The following SLC17A1 variants were observed in gnomAD, a reference collection of about 807,000 sequenced individuals.
SLC17A1 encodes the protein sodium-dependent phosphate transport protein 1.
In SLC17A1, 51 loss-of-function variants were observed where a neutral mutation model predicts 53.5. That is an observed-to-expected ratio of 0.95 (90% CI 0.76 to 1.20). The LOEUF (loss-of-function observed/expected upper bound fraction) is 1.20, where lower values mean the gene tolerates loss of function less well. Ranked by LOEUF, SLC17A1 falls within the 50% of genes most tolerant of loss-of-function variation. The pLI, the probability that SLC17A1 is intolerant of heterozygous loss-of-function variation, is 0.00. For synonymous variants in SLC17A1, 179 were observed against 198.8 expected (o/e 0.90, Z 0.84); for missense variants, 538 against 568.2 (o/e 0.95, Z 0.54).
chr6:25,757,305 A>G, the SLC17A1 span, among the ~76,000 whole-genome samples: 3 of 152,160 alleles, frequency 2.0e-5, no homozygotes, highest in Non-Finnish European at 2.9e-5. Context: ...CACAGAGAGC[A>G]CATGGAAAAT....
the SLC17A1 span, among the ~76,000 whole-genome samples, chr6:25,736,343 C>A: frequency 6.6e-6 from 1 of 152,108 alleles, no homozygotes; most frequent in Non-Finnish European, 1.5e-5. Flanking sequence ...ACCTCTCCCC[C>A]AAATCATAGT....
the SLC17A1 span, chr6:25,726,854 G>A: frequency 6.4e-7 from 1 of 1,554,730 alleles, no homozygotes; most frequent in East Asian, 2.2e-5. Flanking sequence ...GCACTGGAAA[G>A]TGCTGTGTAA....
At chr6:25,822,863 G>A (rs998583041) in intron 3 of SLC17A1, among the ~76,000 whole-genome samples, 4 of 152,060 alleles carry the variant, frequency 2.6e-5, no homozygotes, top group African/African-American at 9.7e-5. Context: ...ACAATAAACT[G>A]TATCTATATA....
Position 25,808,207 on chromosome 6 carries a change from C to T in SLC17A1, c.1178+3191G>A, listed in dbSNP as rs1310076708. ...CATTGTGCTTATGATATGCGTTTCCCTGATTATTAGTGATGTGGAGCATTT... is the reference window on the plus strand; with the variant it reads ...CATTGTGCTTATGATATGCGTTTCCTTGATTATTAGTGATGTGGAGCATTT... On this transcript the variant is annotated intron_variant, in intron 10 of 12. Coordinates refer to ENST00000244527, the MANE Select transcript of SLC17A1 (RefSeq NM_005074.5). 4.6e-5 allele frequency among the ~76,000 whole-genome samples: 7 copies of T among 152,000 alleles called. No homozygotes were observed. In the South Asian group the frequency reaches 1.2e-3, roughly 27 times the overall value.
chr6:25,829,686 A>T (rs1376360086), intron 2 of SLC17A1, among the ~76,000 whole-genome samples: 1 of 152,204 alleles, frequency 6.6e-6, no homozygotes, highest in Non-Finnish European at 1.5e-5. Context: ...GGGAATTCTA[A>T]AGTGTTTGGG....
chr6:25,768,871 C>T, the SLC17A1 span: 25 of 964,554 alleles, frequency 2.6e-5, no homozygotes, highest in Non-Finnish European at 3.8e-5. Flanking sequence ...GGAATGTCTG[C>T]TCTCCCTATA....
Position 25,811,636 on chromosome 6 carries a change from A to T in SLC17A1, c.1030+2T>A, listed in dbSNP as rs1165487675. On this transcript the variant is annotated splice_donor_variant, in intron 9 of 12. Coordinates refer to ENST00000244527, the MANE Select transcript of SLC17A1 (RefSeq NM_005074.5). LOFTEE classifies it high-confidence loss of function. ...TGCTTAAATGTTCTGGCTGTTGCTT[A>T]CCTGCTGCTGTGAAGAGTTTCCGGA... The T allele has an allele frequency of 6.2e-7, 1 of 1,613,940 alleles. No homozygotes were observed. The highest frequency in any genetic ancestry group is 2.2e-5 in the East Asian group (1 of 44,864).
the SLC17A1 span, among the ~76,000 whole-genome samples, chr6:25,753,497 T>C: frequency 6.6e-6 from 1 of 152,158 alleles, no homozygotes; most frequent in South Asian, 2.1e-4. Context: ...ATGGAAACAG[T>C]GGGGCCCGGT....
chr6:25,732,738 TGGC>T, the SLC17A1 span: 2 of 1,175,608 alleles, frequency 1.7e-6, no homozygotes, highest in African/African-American at 3.1e-5. Context: ...CGAGTGACAA[TGGC>T]TTAGGGTGAC....
At chr6:25,734,852 A>G in the SLC17A1 span, among the ~76,000 whole-genome samples, 1 of 152,252 alleles carries the variant, frequency 6.6e-6, no homozygotes, top group Admixed American at 6.5e-5. Flanking sequence ...CTTGATGATT[A>G]GACAAATCTT....
the SLC17A1 span, chr6:25,773,775 GA>G: frequency 7.7e-7 from 1 of 1,298,284 alleles, no homozygotes; most frequent in Non-Finnish European, 1.1e-6. Context: ...AAAATCGGGG[GA>G]TTAGGACCAG....
At chr6:25,761,895 C>G in the SLC17A1 span, 1 of 1,285,640 alleles carries the variant, frequency 7.8e-7, no homozygotes, top group African/African-American at 1.5e-5. Context: ...AAGATTCTCC[C>G]TGTATTTTCT....
chr6:25,779,156 T>A, downstream of SLC17A1: 2 of 1,613,900 alleles, frequency 1.2e-6, no homozygotes, highest in South Asian at 2.2e-5. Context: ...TGTGCAGGAC[T>A]GGGCTAAAGA....
At chr6:25,811,076 A>T (rs577613132) in intron 10 of SLC17A1, among the ~76,000 whole-genome samples, 1 of 152,296 alleles carries the variant, frequency 6.6e-6, no homozygotes, top group East Asian at 1.9e-4. Flanking sequence ...TAGAATAGTG[A>T]TTACCAGGCA....
At chr6:25,741,858 C>A in the SLC17A1 span, among the ~76,000 whole-genome samples, 1 of 151,912 alleles carries the variant, frequency 6.6e-6, no homozygotes, top group Non-Finnish European at 1.5e-5. Flanking sequence ...GGAGATCACA[C>A]CAAGACAGAG....
the SLC17A1 span, among the ~76,000 whole-genome samples, chr6:25,747,945 A>G: frequency 1.9e-4 from 29 of 152,230 alleles, no homozygotes; most frequent in Non-Finnish European, 4.1e-4. Flanking sequence ...ATAATATGGA[A>G]TTTATAATTC....
the SLC17A1 span, among the ~76,000 whole-genome samples, chr6:25,739,373 AC>A: frequency 7.2e-6 from 1 of 139,450 alleles, no homozygotes; most frequent in Non-Finnish European, 1.6e-5. Flanking sequence ...ACCTCCTAAT[AC>A]CATCACACTG....
intron 10 of SLC17A1, among the ~76,000 whole-genome samples, chr6:25,807,400 C>T (rs1447744253): frequency 2.0e-5 from 3 of 151,992 alleles, no homozygotes; most frequent in South Asian, 2.1e-4. Context: ...TTGGATGAAG[C>T]GGGAGACCAT....
chr6:25,726,385 G>A, the SLC17A1 span: 1 of 1,614,102 alleles, frequency 6.2e-7, no homozygotes, highest in Admixed American at 1.7e-5. Context: ...ATACACTGGT[G>A]CGCCTGCCCC....
Sources: allele counts gnomAD v4.1 joint callset (sites outside exome capture counted in the v4.1 genomes callset), GRCh38; gene constraint gnomAD v4.1.1; transcripts MANE v1.5; gene names NCBI Gene and HGNC (gene_info 2026-07-23, HGNC 2026-07-21).